TANGO2: variants seen among roughly 807,000 people sequenced by gnomAD.
TANGO2 encodes transport and Golgi organization protein 2 homolog.
In TANGO2, 26 loss-of-function variants were observed where a neutral mutation model predicts 39.1. The observed-to-expected ratio is 0.67, with a 90% confidence interval of 0.49 to 0.92. TANGO2 has a LOEUF of 0.92. Ranked by LOEUF, TANGO2 falls within the 40% of genes least tolerant of loss-of-function variation. TANGO2 has a pLI of 0.00. For missense variants in TANGO2, 326 were observed against 360.1 expected, an observed-to-expected ratio of 0.91 and a Z score of 0.77; for synonymous variants, 131 against 144.5, an observed-to-expected ratio of 0.91 and a Z score of 0.67.
At position 20,066,753 on chromosome 22, in the gene TANGO2, G is replaced by A. The variant is rs984545292; in HGVS notation, c.*2091G>A. Among the ~76,000 whole-genome samples, 1 of 152,152 alleles carries A rather than the reference G, an allele frequency of 6.6e-6. No homozygotes were observed. The highest frequency in any genetic ancestry group is 1.5e-5 in the Non-Finnish European group (1 of 68,024). ...CCTGCCCCAGTGGCTACCATGTCCT[G>A]TGCCGGTGACCAGTGCCAGTCCCCA... On this transcript the variant is annotated 3_prime_UTR_variant, in exon 9 of 9. Transcript: ENST00000327374.
At chr22:20,025,017 C>T (rs2040454790) in intron 1 of TANGO2, among the ~76,000 whole-genome samples, 1 of 151,990 alleles carries the variant, frequency 6.6e-6, no homozygotes, top group South Asian at 2.1e-4. Flanking sequence ...AGAAATGTCC[C>T]AGCCCTGGCA....
intron 2 of TANGO2, among the ~76,000 whole-genome samples, chr22:20,041,321 T>C (rs879418788): frequency 6.9e-6 from 1 of 144,132 alleles, no homozygotes; most frequent in Non-Finnish European, 1.5e-5. Context: ...AATTTTTTTT[T>C]TTTTTTTTTG....
At chr22:20,044,012 C>T (rs905131541) in intron 3 of TANGO2, among the ~76,000 whole-genome samples, 1 of 152,110 alleles carries the variant, frequency 6.6e-6, no homozygotes, top group Admixed American at 6.5e-5. Context: ...ATACCAGCCT[C>T]ATTGAAGTCC....
intron 6 of TANGO2, among the ~76,000 whole-genome samples, chr22:20,059,272 C>G (rs1201277685): frequency 1.3e-5 from 2 of 152,180 alleles, no homozygotes; most frequent in Non-Finnish European, 2.9e-5. Context: ...CTTTTTGTTT[C>G]TTCCCTTTAT....
rs1416283518 is a variant in TANGO2, at chr22:20,052,695, G to A, written c.265+111G>A. 3 of 1,370,068 alleles carry A rather than the reference G, an allele frequency of 2.2e-6. No individual in the cohort carries two copies. The African/African-American group carries it at 4.3e-5, about 20-fold the overall frequency. The allele number at this position is 1,370,068 out of a possible 1,614,324, so 84.9% of individuals were successfully genotyped here. A position where few individuals can be genotyped will look rare whatever the true frequency, so the allele number is the denominator to read the frequency against. On this transcript the variant is annotated intron_variant, in intron 4 of 8. Coordinates refer to ENST00000327374, the MANE Select transcript of TANGO2 (RefSeq NM_152906.7). Reference sequence around the variant, plus strand: ...GACTGGCCAATGTATGGTGGAGTGGGGCGGGCCAAGGTAGGAAGTGCCAAG... The same window carrying A: ...GACTGGCCAATGTATGGTGGAGTGGAGCGGGCCAAGGTAGGAAGTGCCAAG...
Position 20,023,304 on chromosome 22 carries a change from T to A in TANGO2, c.-40+2058T>A, listed in dbSNP as rs555089670. Reference sequence around the variant, plus strand: ...TGGTAGGAGTGCCCCCCTTTTTTTTTGTTTTTACTAACCACTCAGGCCGCA... The same window carrying A: ...TGGTAGGAGTGCCCCCCTTTTTTTTAGTTTTTACTAACCACTCAGGCCGCA... On this transcript the variant is annotated intron_variant, in intron 1 of 8. Transcript: ENST00000327374. 4.0e-5 allele frequency among the ~76,000 whole-genome samples: 6 copies of A among 149,326 alleles called. No individual in the cohort carries two copies. In the East Asian group the frequency reaches 1.2e-3, roughly 29 times the overall value.
At chr22:20,045,246 G>A (rs559151146) in intron 3 of TANGO2, among the ~76,000 whole-genome samples, 2 of 150,402 alleles carry the variant, frequency 1.3e-5, no homozygotes, top group Admixed American at 1.3e-4. Context: ...GACCGGCCTG[G>A]GCAACGTAGT....
intron 6 of TANGO2, among the ~76,000 whole-genome samples, chr22:20,059,623 C>G (rs1191596636): frequency 6.6e-6 from 1 of 151,964 alleles, no homozygotes; most frequent in African/African-American, 2.4e-5. Context: ...TTGCGTTTCT[C>G]TGATGGCTAT....
At chr22:20,023,186 C>T (rs2040046287) in intron 1 of TANGO2, among the ~76,000 whole-genome samples, 1 of 152,240 alleles carries the variant, frequency 6.6e-6, no homozygotes. Flanking sequence ...TCCCCTGGTG[C>T]ACTTGCTGAC....
chr22:20,040,584 T>C (rs1478273422), intron 2 of TANGO2, among the ~76,000 whole-genome samples: 1 of 152,206 alleles, frequency 6.6e-6, no homozygotes, highest in Non-Finnish European at 1.5e-5. Context: ...TCCCAGACCC[T>C]GGCACATCCC....
At chr22:20,049,402 T>G (rs1435255226) in intron 3 of TANGO2, among the ~76,000 whole-genome samples, 1 of 152,210 alleles carries the variant, frequency 6.6e-6, no homozygotes, top group Non-Finnish European at 1.5e-5. Flanking sequence ...GGCTCACACC[T>G]GTAATCCCAG....
chr22:20,059,508 T>TG (rs2047978884), intron 6 of TANGO2, among the ~76,000 whole-genome samples: 1 of 152,238 alleles, frequency 6.6e-6, no homozygotes, highest in Admixed American at 6.5e-5. Context: ...CAGCAGTGTA[T>TG]GCGGGTTGCA....
intron 1 of TANGO2, among the ~76,000 whole-genome samples, chr22:20,036,477 G>A (rs1012206045): frequency 2.0e-5 from 3 of 152,138 alleles, no homozygotes; most frequent in East Asian, 1.9e-4. Flanking sequence ...ACCCCAGCTC[G>A]GTGTGTCCAG....
At chr22:20,036,885 C>T (rs549140364) in intron 2 of TANGO2, 31 bp downstream of exon 2, 1 of 1,614,258 alleles carries the variant, frequency 6.2e-7, no homozygotes, top group Admixed American at 1.7e-5. Context: ...CTGCTGCGCC[C>T]TGCAGGGTCC....
intron 1 of TANGO2, among the ~76,000 whole-genome samples, chr22:20,028,210 C>CA (rs1421732075): frequency 6.6e-6 from 1 of 152,220 alleles, no homozygotes. Context: ...CTTCTAGGCT[C>CA]AAGCCATCCT....
Position 20,052,599 on chromosome 22 carries a change from G to T in TANGO2, c.265+15G>T. 1 of 1,552,876 alleles carries T rather than the reference G, an allele frequency of 6.4e-7. No individual in the cohort carries two copies. Among genetic ancestry groups the T allele is most frequent in the South Asian group, 1.2e-5 (1 of 84,166 alleles). On this transcript the variant is annotated intron_variant, in intron 4 of 8. Transcript: ENST00000327374. Reference sequence around the variant, plus strand: ...CCGAGGGCGAGGTAAGGCGAGTGGGGTGGGGCCAAGGTGAGACAGGGTGGG... The same window carrying T: ...CCGAGGGCGAGGTAAGGCGAGTGGGTTGGGGCCAAGGTGAGACAGGGTGGG...
chr22:20,062,774 A>C (rs2048617126), intron 7 of TANGO2, among the ~76,000 whole-genome samples: 2 of 152,180 alleles, frequency 1.3e-5, no homozygotes, highest in Middle Eastern at 3.2e-3. Context: ...CCAAAGCTCC[A>C]CGATTGAGTC....
At chr22:20,018,026 A>G (rs1270484409), upstream of TANGO2, among the ~76,000 whole-genome samples, 2 of 151,974 alleles carry the variant, frequency 1.3e-5, no homozygotes, top group African/African-American at 4.8e-5. Context: ...GTGACCAGAC[A>G]CTCTTGTCTT....
chr22:20,030,227 G>T (rs985663829), intron 1 of TANGO2, among the ~76,000 whole-genome samples: 4 of 150,906 alleles, frequency 2.7e-5, no homozygotes, highest in Admixed American at 2.0e-4. Context: ...GAGTGCAATG[G>T]CACGATCTCG....
Sources: allele counts gnomAD v4.1 joint callset (sites outside exome capture counted in the v4.1 genomes callset), GRCh38; gene constraint gnomAD v4.1.1; transcripts MANE v1.5; gene names NCBI Gene and HGNC (gene_info 2026-07-23, HGNC 2026-07-21).